Variants in COMMD1 observed in about 807,000 individuals in gnomAD.
COMMD1 encodes copper metabolism domain containing 1, also known as COMM domain-containing protein 1.
A neutral mutation model predicts 17.2 loss-of-function variants in COMMD1; 10 were observed. The ratio of observed to expected loss-of-function variants is 0.58; its 90% confidence interval spans 0.36 to 0.99. The LOEUF is 0.99. Among genes scored for constraint, COMMD1 ranks in the 50% least tolerant of loss-of-function variants. COMMD1 has a pLI of 0.01. For synonymous variants in COMMD1, 97 were observed against 91.6 expected, an observed-to-expected ratio of 1.06 and a Z score of -0.34; for missense variants, 270 against 231.8, an observed-to-expected ratio of 1.17 and a Z score of -1.07.
chr2:62,074,266 T>C (rs1165551050), intron 2 of COMMD1, among the ~76,000 whole-genome samples: 1 of 152,228 alleles, frequency 6.6e-6, no homozygotes, highest in African/African-American at 2.4e-5. Context: ...GGCCACATGA[T>C]TGAACTCAGT....
intron 1 of COMMD1, among the ~76,000 whole-genome samples, chr2:61,913,366 CAAAAAA>C (rs767142777): frequency 2.4e-5 from 1 of 41,994 alleles, no homozygotes; most frequent in South Asian, 8.0e-4. Flanking sequence ...GACTCCATCT[CAAAAAA>C]AAAAAAAAAA....
At chr2:62,028,157 G>A (rs1290771082) in intron 2 of COMMD1, among the ~76,000 whole-genome samples, 2 of 152,166 alleles carry the variant, frequency 1.3e-5, no homozygotes, top group Admixed American at 1.3e-4. Context: ...CTGCTACCCA[G>A]CTGACTTCAG....
chr2:62,030,109 T>G (rs1374119496), intron 2 of COMMD1, among the ~76,000 whole-genome samples: 1 of 152,236 alleles, frequency 6.6e-6, no homozygotes, highest in Non-Finnish European at 1.5e-5. Flanking sequence ...GTTGAGATTC[T>G]TCTTGCCCTC....
At chr2:62,071,718 G>T (rs77735221) in intron 2 of COMMD1, among the ~76,000 whole-genome samples, 1 of 152,008 alleles carries the variant, frequency 6.6e-6, no homozygotes, top group South Asian at 2.1e-4. Flanking sequence ...CCCCATGATC[G>T]ACTGAGCAGA....
intron 2 of COMMD1, among the ~76,000 whole-genome samples, chr2:62,008,857 T>C (rs760991858): frequency 6.6e-6 from 1 of 152,232 alleles, no homozygotes; most frequent in Non-Finnish European, 1.5e-5. Flanking sequence ...CTTGGCTCAC[T>C]GCAACCTCTG....
At chr2:62,094,444 G>A (rs928999945) in intron 2 of COMMD1, among the ~76,000 whole-genome samples, 1 of 152,178 alleles carries the variant, frequency 6.6e-6, no homozygotes, top group Non-Finnish European at 1.5e-5. Context: ...ACCGTTGACT[G>A]AAATAACCAG....
At chr2:61,954,100 T>C (rs1212147890) in intron 1 of COMMD1, among the ~76,000 whole-genome samples, 1 of 152,002 alleles carries the variant, frequency 6.6e-6, no homozygotes, top group Non-Finnish European at 1.5e-5. Context: ...TCTCAGCTAC[T>C]TGGGAGGCTG....
intron 1 of COMMD1, among the ~76,000 whole-genome samples, chr2:61,896,978 C>T (rs1003255775): frequency 1.6e-4 from 24 of 151,808 alleles, no homozygotes; most frequent in Non-Finnish European, 2.6e-4. Context: ...TACAGGTGCC[C>T]GCCACCACAT....
intron 2 of COMMD1, among the ~76,000 whole-genome samples, chr2:62,071,053 T>TA (rs1360718283): frequency 6.6e-6 from 1 of 152,072 alleles, no homozygotes; most frequent in African/African-American, 2.4e-5. Flanking sequence ...AGTAAAGGAA[T>TA]AAAAAATGGC....
At chr2:61,965,666 G>A (rs562825826) in intron 1 of COMMD1, among the ~76,000 whole-genome samples, 5 of 152,302 alleles carry the variant, frequency 3.3e-5, no homozygotes, top group African/African-American at 1.2e-4. Flanking sequence ...TACCAGAGTG[G>A]TTACTAAATG....
chr2:62,022,141 A>C (rs1669628084), intron 2 of COMMD1, among the ~76,000 whole-genome samples: 1 of 152,144 alleles, frequency 6.6e-6, no homozygotes, highest in African/African-American at 2.4e-5. Context: ...GTAGGGGTTG[A>C]ATGAATTTTC....
chr2:62,125,772 TTTTTA>T (rs2104086981), intron 2 of COMMD1, among the ~76,000 whole-genome samples: 2 of 152,310 alleles, frequency 1.3e-5, no homozygotes, highest in Admixed American at 1.3e-4. Flanking sequence ...TTTTTTTTAA[TTTTTA>T]TTTTAAGTTC....
At chr2:61,994,405 T>A (rs1050651644) in intron 1 of COMMD1, among the ~76,000 whole-genome samples, 1 of 152,252 alleles carries the variant, frequency 6.6e-6, no homozygotes, top group Non-Finnish European at 1.5e-5. Context: ...ACCAGAAAGT[T>A]GTAATATTTA....
intron 1 of COMMD1, among the ~76,000 whole-genome samples, chr2:61,939,740 A>T (rs1670693325): frequency 6.6e-6 from 1 of 152,098 alleles, no homozygotes. Context: ...AAATAACTAT[A>T]AAAAAAATTT....
At chr2:62,075,837 C>T (rs1671324639) in intron 2 of COMMD1, among the ~76,000 whole-genome samples, 1 of 152,194 alleles carries the variant, frequency 6.6e-6, no homozygotes, top group Admixed American at 6.5e-5. Context: ...CATTTCTTGA[C>T]ATCTGATTTG....
chr2:62,016,210 T>TCTTTTC (rs201666336), intron 2 of COMMD1, among the ~76,000 whole-genome samples: 18 of 143,682 alleles, frequency 1.3e-4, no homozygotes, highest in Admixed American at 1.1e-3. Context: ...TCTTTTCTTT[T>TCTTTTC]TTTTTTTTTT....
chr2:61,925,282 G>C (rs897723342), intron 1 of COMMD1, among the ~76,000 whole-genome samples: 2 of 152,048 alleles, frequency 1.3e-5, no homozygotes, highest in Admixed American at 1.3e-4. Context: ...CAGAGAGAAA[G>C]GACGAGAGGG....
chr2:62,062,426 C>G (rs1264320919), intron 2 of COMMD1, among the ~76,000 whole-genome samples: 1 of 151,772 alleles, frequency 6.6e-6, no homozygotes, highest in Non-Finnish European at 1.5e-5. Context: ...CGGGGTTTCA[C>G]CATGTTGGCC....
At chr2:62,082,431 C>T (rs922157728) in intron 2 of COMMD1, among the ~76,000 whole-genome samples, 1 of 152,168 alleles carries the variant, frequency 6.6e-6, no homozygotes, top group African/African-American at 2.4e-5. Flanking sequence ...AGGTTGTCCC[C>T]CACACCTCTG....
Sources: allele counts gnomAD v4.1 joint callset (sites outside exome capture counted in the v4.1 genomes callset), GRCh38; gene constraint gnomAD v4.1.1; transcripts MANE v1.5; gene names NCBI Gene and HGNC (gene_info 2026-07-23, HGNC 2026-07-21).